The following GSG1L variants were observed in gnomAD, a reference collection of about 807,000 sequenced individuals.
GSG1L encodes the protein GSG1 like, also known as germ cell-specific gene 1-like protein.
Under a neutral mutation model 42.1 loss-of-function variants are expected in GSG1L, and 24 were observed. That is an observed-to-expected ratio of 0.57 (90% CI 0.41 to 0.80). GSG1L has a LOEUF of 0.80. Among genes scored for constraint, GSG1L ranks in the 30% least tolerant of loss-of-function variants. GSG1L has a pLI of 0.00. For synonymous variants in GSG1L, 215 were observed against 203.5 expected (o/e 1.06, Z -0.48); for missense variants, 445 against 472.2 (o/e 0.94, Z 0.53).
rs571042105 is a variant in GSG1L at position 27,899,362 on chromosome 16, C to A, written c.398-14724G>T. On this transcript the variant is annotated intron_variant, in intron 2 of 6. Coordinates refer to ENST00000447459, the MANE Select transcript of GSG1L (RefSeq NM_001109763.2). ...GTGTGGCCTCAGACAAGTTACCTCGCCTCTCTGAGCCTCGATTTCCTCACC... is the reference window on the plus strand; with the variant it reads ...GTGTGGCCTCAGACAAGTTACCTCGACTCTCTGAGCCTCGATTTCCTCACC... 3.3e-5 allele frequency among the ~76,000 whole-genome samples: 5 copies of A among 152,268 alleles called. No individual in the cohort carries two copies. In the South Asian group the frequency reaches 1.0e-3, roughly 32 times the overall value.
chr16:27,861,292 G>A (rs542936539), intron 3 of GSG1L, among the ~76,000 whole-genome samples: 30 of 152,208 alleles, frequency 2.0e-4, no homozygotes, highest in African/African-American at 5.3e-4. Context: ...CACGAGAATC[G>A]TTTGAACCCA....
intron 1 of GSG1L, among the ~76,000 whole-genome samples, chr16:28,015,942 C>G (rs1043573914): frequency 6.6e-6 from 1 of 152,190 alleles, no homozygotes; most frequent in African/African-American, 2.4e-5. Context: ...CTTCCCACCT[C>G]TGCTGAAACA....
chr16:27,936,700 C>A (rs2084721959), intron 2 of GSG1L, among the ~76,000 whole-genome samples: 1 of 152,198 alleles, frequency 6.6e-6, no homozygotes, highest in African/African-American at 2.4e-5. Flanking sequence ...TGGATTTGAA[C>A]CAGATCTTTG....
At chr16:27,946,466 G>A (rs76340104) in intron 2 of GSG1L, among the ~76,000 whole-genome samples, 2 of 151,084 alleles carry the variant, frequency 1.3e-5, no homozygotes, top group Non-Finnish European at 2.9e-5. Context: ...AATCGCTTGA[G>A]CCCAGGAGAC....
chr16:27,862,527 T>C (rs1299948063), intron 3 of GSG1L, among the ~76,000 whole-genome samples: 1 of 152,192 alleles, frequency 6.6e-6, no homozygotes, highest in Non-Finnish European at 1.5e-5. Context: ...ATGTGTGTTG[T>C]TTTAAGTTGC....
At chr16:27,846,884 G>A (rs58084983) in intron 3 of GSG1L, among the ~76,000 whole-genome samples, 2,675 of 151,262 alleles carry the variant, frequency 0.018, 98 homozygotes, top group African/African-American at 0.061. Context: ...GTGAACCTGG[G>A]AGGCAGAGCT....
At chr16:27,963,562 T>C (rs1241013101) in intron 1 of GSG1L, among the ~76,000 whole-genome samples, 1 of 152,134 alleles carries the variant, frequency 6.6e-6, no homozygotes, top group African/African-American at 2.4e-5. Flanking sequence ...GGAGGGATCA[T>C]TTCAAAACAC....
At chr16:28,010,030 T>C (rs578175924) in intron 1 of GSG1L, among the ~76,000 whole-genome samples, 1 of 152,056 alleles carries the variant, frequency 6.6e-6, no homozygotes, top group South Asian at 2.1e-4. Context: ...GCTTGCAAGG[T>C]TGTATATCGG....
At chr16:27,914,419 A>G (rs1291474566) in intron 2 of GSG1L, among the ~76,000 whole-genome samples, 1 of 152,208 alleles carries the variant, frequency 6.6e-6, no homozygotes, top group African/African-American at 2.4e-5. Context: ...AAGAATGGAA[A>G]AATGGTTCTC....
intron 2 of GSG1L, among the ~76,000 whole-genome samples, chr16:27,890,477 T>C (rs2084112836): frequency 6.6e-6 from 1 of 152,136 alleles, no homozygotes; most frequent in Non-Finnish European, 1.5e-5. Flanking sequence ...CTGCACTCCA[T>C]GCAAAAGATG....
chr16:27,803,766 CAT>C (rs3047681), intron 6 of GSG1L, among the ~76,000 whole-genome samples: 11,164 of 117,632 alleles, frequency 0.095, 649 homozygotes, highest in East Asian at 0.11. Context: ...ACAGTGCAGA[CAT>C]ATATATATAT....
chr16:27,914,530 A>ATTT (rs34120581), intron 2 of GSG1L, among the ~76,000 whole-genome samples: 8,866 of 139,520 alleles, frequency 0.064, 357 homozygotes, highest in African/African-American at 0.097. Flanking sequence ...TTTCTTTTCT[A>ATTT]TTTTTTTTTT....
At chr16:27,996,039 A>G (rs1450277790) in intron 1 of GSG1L, among the ~76,000 whole-genome samples, 1 of 152,128 alleles carries the variant, frequency 6.6e-6, no homozygotes, top group Non-Finnish European at 1.5e-5. Flanking sequence ...ATATCTAAAA[A>G]TAAATAAAAA....
chr16:27,869,991 C>T (rs2083794666), intron 3 of GSG1L, among the ~76,000 whole-genome samples: 1 of 147,772 alleles, frequency 6.8e-6, no homozygotes, highest in Admixed American at 6.7e-5. Context: ...GTCTCTGCCT[C>T]TGTCCATCTC....
intron 1 of GSG1L, among the ~76,000 whole-genome samples, chr16:27,964,594 A>G (rs1431473078): frequency 3.3e-5 from 5 of 152,250 alleles, no homozygotes. Context: ...CAGCCATAAA[A>G]AAGAATGAGA....
chr16:27,833,196 C>T (rs1297203641), intron 4 of GSG1L, among the ~76,000 whole-genome samples: 1 of 152,174 alleles, frequency 6.6e-6, no homozygotes, highest in Non-Finnish European at 1.5e-5. Context: ...ATAGCTCCAG[C>T]ACCATTTGTT....
chr16:27,792,294 G>C (rs1233784236), intron 6 of GSG1L, among the ~76,000 whole-genome samples: 1 of 152,122 alleles, frequency 6.6e-6, no homozygotes, highest in Non-Finnish European at 1.5e-5. Flanking sequence ...TGTGGACATG[G>C]GTGTGCCCTA....
At chr16:27,812,888 T>C (rs2083048876) in intron 5 of GSG1L, among the ~76,000 whole-genome samples, 1 of 152,080 alleles carries the variant, frequency 6.6e-6, no homozygotes, top group South Asian at 2.1e-4. Flanking sequence ...TCCCGGATTC[T>C]TCCGCCTCGG....
intron 5 of GSG1L, among the ~76,000 whole-genome samples, chr16:27,826,303 T>A (rs2083207978): frequency 6.6e-6 from 1 of 152,054 alleles, no homozygotes; most frequent in South Asian, 2.1e-4. Flanking sequence ...CTGCCATGCT[T>A]CTCTTCTGAC....
Sources: allele counts gnomAD v4.1 joint callset (sites outside exome capture counted in the v4.1 genomes callset), GRCh38; gene constraint gnomAD v4.1.1; transcripts MANE v1.5; gene names NCBI Gene and HGNC (gene_info 2026-07-23, HGNC 2026-07-21).